Variants in PGPEP1 observed in about 807,000 individuals in gnomAD.
PGPEP1 encodes the protein pyroglutamyl-peptidase 1.
A neutral mutation model predicts 24.1 loss-of-function variants in PGPEP1; 15 were observed. That is an observed-to-expected ratio of 0.62 (90% CI 0.42 to 0.96). The LOEUF (loss-of-function observed/expected upper bound fraction) is 0.96. Among genes scored for constraint, PGPEP1 ranks in the 40% least tolerant of loss-of-function variants. PGPEP1 has a pLI of 0.00. For missense variants in PGPEP1, 242 were observed against 273.4 expected, an observed-to-expected ratio of 0.89 and a Z score of 0.81; for synonymous variants, 122 against 116.4, an observed-to-expected ratio of 1.05 and a Z score of -0.31.
intron 2 of PGPEP1, among the ~76,000 whole-genome samples, chr19:18,345,725 C>CAAAA (rs1263995077): frequency 1.0e-4 from 9 of 89,762 alleles, no homozygotes; most frequent in African/African-American, 2.5e-4. Flanking sequence ...GACCCTATCT[C>CAAAA]AAAAAAAAAA....
intron 2 of PGPEP1, among the ~76,000 whole-genome samples, chr19:18,343,749 T>A (rs2144526982): frequency 6.8e-6 from 1 of 147,350 alleles, no homozygotes; most frequent in Admixed American, 7.0e-5. Flanking sequence ...AGTGGCGCGA[T>A]CTTGGCTCAC....
intron 2 of PGPEP1, among the ~76,000 whole-genome samples, chr19:18,343,275 C>A (rs1248608816): frequency 6.6e-6 from 1 of 152,144 alleles, no homozygotes; most frequent in Admixed American, 6.6e-5. Flanking sequence ...GCTGGAATTA[C>A]AGGCGTGAGC....
chr19:18,341,974 C>T lies in PGPEP1; in HGVS notation c.35-885C>T, dbSNP rs572270960. 2.0e-5 allele frequency among the ~76,000 whole-genome samples: 3 copies of T among 151,826 alleles called. No individual in the cohort carries two copies. The South Asian group carries it at 6.2e-4, about 31-fold the overall frequency. On this transcript the variant is annotated intron_variant, in intron 1 of 4. Coordinates refer to ENST00000269919, the MANE Select transcript of PGPEP1 (RefSeq NM_017712.4). ...CCAAGCTGGAGCACAACGGCGCGAT[C>T]TCGGCTCACTGCAACCTTCGCCTCC...
chr19:18,355,242 T>A (rs1971146245), intron 2 of PGPEP1, among the ~76,000 whole-genome samples: 1 of 151,690 alleles, frequency 6.6e-6, no homozygotes, highest in Non-Finnish European at 1.5e-5. Flanking sequence ...GTGCTGGGAT[T>A]ACAGGCATGA....
rs1371834150 is a variant in PGPEP1 at position 18,363,819 on chromosome 19, C to A, written c.*236C>A. On this transcript the variant is annotated 3_prime_UTR_variant, in exon 5 of 5. Transcript: ENST00000269919. ...TTCCTCCCTGCATCTGGGGACACAG[C>A]TGCCGTGACCAGGGAGGCCAGCCTG... 2.5e-5 allele frequency: 10 copies of A among 398,180 alleles called. No individual in the cohort carries two copies. Among genetic ancestry groups the A allele is most frequent in the Non-Finnish European group, 4.6e-5 (10 of 218,074 alleles). The allele number at this position is 398,180 out of a possible 1,614,324, so 24.7% of individuals were successfully genotyped here. A position where few individuals can be genotyped will look rare whatever the true frequency, so the allele number is the denominator to read the frequency against.
chr19:18,360,854 A>T (rs547130672), intron 4 of PGPEP1, among the ~76,000 whole-genome samples: 1 of 150,362 alleles, frequency 6.7e-6, no homozygotes, highest in South Asian at 2.1e-4. Context: ...TTTTTTTGAG[A>T]CTGCGTCTAG....
At position 18,340,783 on chromosome 19, in the gene PGPEP1, C is replaced by T. The variant is rs1568306392; in HGVS notation, c.34+68C>T. On this transcript the variant is annotated intron_variant, in intron 1 of 4. Transcript: ENST00000269919. ...AGAGGCGGGGGCGGCTCCGGGACTGCGGGGCCGAGAGGGGCAGGTGCTGGA... is the reference window on the plus strand; with the variant it reads ...AGAGGCGGGGGCGGCTCCGGGACTGTGGGGCCGAGAGGGGCAGGTGCTGGA... 8 of 1,213,260 alleles carry T rather than the reference C, an allele frequency of 6.6e-6. No homozygotes were observed. In the South Asian group the frequency reaches 1.4e-4, roughly 21 times the overall value. The allele number at this position is 1,213,260 out of a possible 1,614,324, so 75.2% of individuals were successfully genotyped here.
chr19:18,357,830 A>G (rs1464169774), intron 4 of PGPEP1: 2 of 566,918 alleles, frequency 3.5e-6, no homozygotes, highest in Non-Finnish European at 6.4e-6. Context: ...CACGGTCCCC[A>G]CCAAGGCCCC....
intron 2 of PGPEP1, 71 bp from the exon 3 acceptor site, chr19:18,355,824 C>T (rs1464346054): frequency 2.1e-6 from 2 of 940,298 alleles, no homozygotes; most frequent in African/African-American, 1.6e-5. Flanking sequence ...GTTTGTTTCA[C>T]CCCCCAGAGA....
At chr19:18,363,323 T>C in intron 4 of PGPEP1, 68 bp from the exon 5 acceptor site, 1 of 1,328,530 alleles carries the variant, frequency 7.5e-7, no homozygotes, top group South Asian at 1.3e-5. Flanking sequence ...TGCTGTCACC[T>C]TGGTCTACGG....
intron 3 of PGPEP1, 110 bp downstream of exon 3, chr19:18,356,121 A>G (rs1971179680): frequency 4.2e-6 from 3 of 712,226 alleles, no homozygotes; most frequent in Non-Finnish European, 7.8e-6. Flanking sequence ...GACCAATGCC[A>G]TACAGCCTTG....
At chr19:18,351,916 A>G (rs183605349) in intron 2 of PGPEP1, among the ~76,000 whole-genome samples, 94 of 152,086 alleles carry the variant, frequency 6.2e-4, no homozygotes, top group Non-Finnish European at 1.2e-3. Flanking sequence ...ACTTGATCTC[A>G]GGAATTGAAG....
rs373134182 is a variant in PGPEP1 at position 18,356,000 on chromosome 19, C to T, written c.193C>T (p.His65Tyr). Reference sequence around the variant, plus strand: ...ACTCATCCCCGCCCTGTGGGAGAAGCACAGTCCACAGGTGAGTGGTGCCAA... The same window carrying T: ...ACTCATCCCCGCCCTGTGGGAGAAGTACAGTCCACAGGTGAGTGGTGCCAA... ...QRLIPALWEKHSPQLVVHVGV... is the reference protein window; with the variant it reads ...QRLIPALWEKYSPQLVVHVGV... Residue 65 changes from histidine to tyrosine, a missense_variant, in exon 3 of 5, where the codon CAC becomes TAC. Physicochemically the swap from His to Tyr is moderately conservative, Grantham distance 83. Transcript: ENST00000269919. The T allele has an allele frequency of 6.2e-7, 1 of 1,602,400 alleles. No homozygotes were observed. The highest frequency in any genetic ancestry group is 1.3e-5 in the African/African-American group (1 of 74,780).
chr19:18,345,982 T>C (rs11669964), intron 2 of PGPEP1, among the ~76,000 whole-genome samples: 1 of 148,056 alleles, frequency 6.8e-6, no homozygotes, highest in Non-Finnish European at 1.5e-5. Context: ...AGCGAGACTC[T>C]GTCTCAAAAA....
chr19:18,356,432 CA>C (rs200138891), intron 3 of PGPEP1, among the ~76,000 whole-genome samples: 2 of 140,152 alleles, frequency 1.4e-5, no homozygotes, highest in Admixed American at 7.2e-5. Flanking sequence ...AGACCTGTCT[CA>C]AAAAAAACAA....
At chr19:18,352,973 A>C (rs1240751947) in intron 2 of PGPEP1, among the ~76,000 whole-genome samples, 7 of 150,580 alleles carry the variant, frequency 4.6e-5, no homozygotes, top group Admixed American at 4.6e-4. Flanking sequence ...GCTGGAGTGC[A>C]GTGGCACAAT....
intron 2 of PGPEP1, 85 bp from the exon 3 acceptor site, chr19:18,355,810 G>A (rs1465648541): frequency 2.2e-5 from 18 of 816,418 alleles, no homozygotes; most frequent in Non-Finnish European, 3.7e-5. Context: ...TCTGGAGAAC[G>A]CCTGTTTGTT....
At position 18,363,776 on chromosome 19, in the gene PGPEP1, A is replaced by G; in HGVS notation, c.*193A>G. On this transcript the variant is annotated 3_prime_UTR_variant, in exon 5 of 5. Coordinates refer to ENST00000269919, the MANE Select transcript of PGPEP1 (RefSeq NM_017712.4). Reference sequence around the variant, plus strand: ...GGTTGATTCGAGGGAAGTGGTGAAAATTTTTTTTTCTCCCATTTTCCTCCC... The same window carrying G: ...GGTTGATTCGAGGGAAGTGGTGAAAGTTTTTTTTTCTCCCATTTTCCTCCC... 2.0e-6 allele frequency: 1 copy of G among 490,302 alleles called. No individual in the cohort carries two copies. 30.4% of individuals were successfully genotyped at this position (490,302 alleles called of 1,614,324 possible). A position where few individuals can be genotyped will look rare whatever the true frequency, so the allele number is the denominator to read the frequency against.
In PGPEP1 at chr19:18,364,103, T is replaced by TTTCTTTCTTG. The variant is rs1971446451; in HGVS notation, c.*520_*521insTTCTTTCTTG. 7.4e-6 allele frequency: 1 copy of TTTCTTTCTTG among 134,978 alleles called. No homozygotes were observed. The highest frequency in any genetic ancestry group is 1.5e-5 in the Non-Finnish European group (1 of 66,716). The allele number at this position is 134,978 out of a possible 1,614,324, so 8.4% of individuals were successfully genotyped here. A position where few individuals can be genotyped will look rare whatever the true frequency, so the allele number is the denominator to read the frequency against. Reference sequence around the variant, plus strand: ...GGCTGGCTTTCTTTCTTTCTTTCTTTCTTTCTTTCTTGCTTTCTTTCTTTC... The same window carrying TTTCTTTCTTG: ...GGCTGGCTTTCTTTCTTTCTTTCTTTTTCTTTCTTGCTTTCTTTCTTGCTTTCTTTCTTTC... On this transcript the variant is annotated 3_prime_UTR_variant, in exon 5 of 5. Transcript: ENST00000269919.
Sources: gnomAD v4.1 joint callset for allele counts (sites outside exome capture counted in the v4.1 genomes callset) on GRCh38, gnomAD v4.1.1 for gene constraint, MANE v1.5 for transcripts, NCBI Gene and HGNC (gene_info 2026-07-23, HGNC 2026-07-21) for gene names.